MAP3K12: variants seen among roughly 807,000 people sequenced by gnomAD.
MAP3K12 encodes MAPK-upstream kinase.
Under a neutral mutation model 87.5 loss-of-function variants are expected in MAP3K12, and 14 were observed. The observed-to-expected ratio is 0.16, with a 90% confidence interval of 0.11 to 0.25. MAP3K12 has a LOEUF of 0.25. Ranked by LOEUF, MAP3K12 falls within the 10% of genes least tolerant of loss-of-function variation. The pLI is 1.00. For synonymous variants in MAP3K12, 469 were observed against 452.5 expected (o/e 1.04, Z -0.46); for missense variants, 802 against 1,140.4 (o/e 0.70, Z 4.27).
At chr12:53,487,495 T>A (rs749437573) in intron 1 of MAP3K12, 67 bp from the exon 2 acceptor site, 24 of 1,474,052 alleles carry the variant, frequency 1.6e-5, no homozygotes, top group Non-Finnish European at 2.1e-5. Flanking sequence ...AGGACACTTA[T>A]CCCAGAGGCA....
intron 1 of MAP3K12, among the ~76,000 whole-genome samples, 189 bp downstream of exon 1, chr12:53,499,238 C>G (rs1268987743): frequency 1.3e-5 from 2 of 152,044 alleles, no homozygotes; most frequent in Non-Finnish European, 1.5e-5. Context: ...CCGCTCCATT[C>G]CCTTCCTTCC....
intron 1 of MAP3K12, 121 bp from the exon 2 acceptor site, chr12:53,487,549 A>G: frequency 1.0e-6 from 1 of 973,268 alleles, no homozygotes; most frequent in Non-Finnish European, 1.5e-6. Flanking sequence ...TGGAGGTAAC[A>G]CTTGTGGCTC....
At chr12:53,496,517 C>A (rs1331932132) in intron 1 of MAP3K12, among the ~76,000 whole-genome samples, 1 of 152,190 alleles carries the variant, frequency 6.6e-6, no homozygotes, top group Non-Finnish European at 1.5e-5. Flanking sequence ...GGATGGGCCT[C>A]AGGAGTCCCT....
chr12:53,487,534 C>T, intron 1 of MAP3K12, 106 bp from the exon 2 acceptor site: 2 of 1,149,778 alleles, frequency 1.7e-6, no homozygotes, highest in African/African-American at 1.6e-5. Flanking sequence ...TCACAGTAGC[C>T]CCGCTGGAGG....
Position 53,486,010 on chromosome 12 carries a change from T to A in MAP3K12, c.821+46A>T, listed in dbSNP as rs199641354. ...CGGGAGAAGGCCACACTGACTTGAG[T>A]GGGTCACCTGCATGCACATCTGTTG... is the stretch of plus-strand genomic sequence containing the variant. On this transcript the variant is annotated intron_variant, in intron 4 of 13. Transcript: ENST00000547488. This position sits in a 1 kb window ranked among gnomAD's most constrained non-coding sequence, Gnocchi z 4.9. 7 of 1,546,316 alleles carry A rather than the reference T, an allele frequency of 4.5e-6. No individual in the cohort carries two copies. Among genetic ancestry groups the A allele is most frequent in the Middle Eastern group, 1.7e-4 (1 of 5,786 alleles).
chr12:53,486,944 T>C lies in MAP3K12; in HGVS notation c.445+3A>G, dbSNP rs1242759986. On this transcript the variant is annotated splice_donor_region_variant and intron_variant, in intron 2 of 13. Coordinates refer to ENST00000547488, the MANE Select transcript of MAP3K12 (RefSeq NM_001193511.2). The surrounding 1 kb of genome is among the most constrained non-coding windows in gnomAD (Gnocchi z 4.9). ...AGGAGGCTCCCACAAGGACGTGGCC[T>C]ACCTTCCTGCTGCTGCTTGTGCTCA... The C allele has an allele frequency of 1.2e-6, 2 of 1,611,584 alleles. No homozygotes were observed. The highest frequency in any genetic ancestry group is 1.7e-5 in the Admixed American group (1 of 59,976).
At chr12:53,488,309 T>C (rs1239940684) in intron 1 of MAP3K12, among the ~76,000 whole-genome samples, 1 of 152,092 alleles carries the variant, frequency 6.6e-6, no homozygotes, top group Non-Finnish European at 1.5e-5. Context: ...CATCCTCTGC[T>C]CCCCAAACTT....
intron 13 of MAP3K12, 36 bp downstream of exon 13, chr12:53,481,905 T>C: frequency 6.3e-7 from 1 of 1,597,674 alleles, no homozygotes; most frequent in Non-Finnish European, 8.5e-7. Context: ...CAGCTCTCCC[T>C]GTTCAATATC....
chr12:53,484,564 C>T (rs950984460), intron 6 of MAP3K12, 199 bp from the exon 7 acceptor site: 7 of 547,378 alleles, frequency 1.3e-5, no homozygotes, highest in Admixed American at 1.1e-4. Flanking sequence ...GTAAGGAAAC[C>T]TATTGAACCC....
In MAP3K12 at chr12:53,482,974, G is replaced by T; in HGVS notation, c.1829C>A (p.Pro610Gln). Residue 610 changes from proline to glutamine, a missense_variant, in exon 11 of 14, where the codon CCA becomes CAA. Physicochemically the swap from Pro to Gln is moderately conservative, Grantham distance 76. Transcript: ENST00000547488. ...PPHEPGGPGS[P>Q]GGLGGGPSAW... Reference sequence around the variant, plus strand: ...TGAGGGTCCCCCTCCTAGGCCCCCTGGGCTTCCTGGTCCTCCAGGTTCATG... The same window carrying T: ...TGAGGGTCCCCCTCCTAGGCCCCCTTGGCTTCCTGGTCCTCCAGGTTCATG... The T allele has an allele frequency of 6.3e-7, 1 of 1,583,088 alleles. No individual in the cohort carries two copies. The highest frequency in any genetic ancestry group is 8.6e-7 in the Non-Finnish European group (1 of 1,165,960).
At chr12:53,494,181 G>A (rs1448420471) in intron 1 of MAP3K12, among the ~76,000 whole-genome samples, 1 of 152,208 alleles carries the variant, frequency 6.6e-6, no homozygotes, top group African/African-American at 2.4e-5. Context: ...TGGCCCAGAC[G>A]TTCAGTCACC....
intron 13 of MAP3K12, chr12:53,481,695 T>C: frequency 2.1e-6 from 1 of 483,138 alleles, no homozygotes. Flanking sequence ...CAGGCCATTC[T>C]CCAAGGTGTC....
intron 1 of MAP3K12, among the ~76,000 whole-genome samples, chr12:53,489,920 G>A (rs1000055065): frequency 1.3e-5 from 2 of 152,160 alleles, no homozygotes; most frequent in Non-Finnish European, 2.9e-5. Flanking sequence ...ACCCTCATTA[G>A]CTGTCCTCAC....
At chr12:53,481,755 G>C in intron 13 of MAP3K12, 186 bp downstream of exon 13, 1 of 659,082 alleles carries the variant, frequency 1.5e-6, no homozygotes, top group Non-Finnish European at 2.5e-6. Flanking sequence ...CTACATGCAA[G>C]CTACTGGTCA....
chr12:53,484,880 A>C, intron 6 of MAP3K12, 176 bp downstream of exon 6: 1 of 713,476 alleles, frequency 1.4e-6, no homozygotes, highest in Non-Finnish European at 2.3e-6. Flanking sequence ...ACAGGTTCAG[A>C]GTAGATACCA....
At chr12:53,481,766 G>A (rs1943056964) in intron 13 of MAP3K12, 175 bp downstream of exon 13, 1 of 709,402 alleles carries the variant, frequency 1.4e-6, no homozygotes, top group African/African-American at 1.8e-5. Flanking sequence ...CTACTGGTCA[G>A]GCATCGTAAT....
Position 53,480,942 on chromosome 12 carries a change from G to A in MAP3K12, c.*240C>T, listed in dbSNP as rs1162840115. The A allele has an allele frequency of 6.0e-6, 1 of 167,884 alleles. No homozygotes were observed. The highest frequency in any genetic ancestry group is 1.3e-5 in the Non-Finnish European group (1 of 79,778). The allele number at this position is 167,884 out of a possible 1,614,324, so 10.4% of individuals were successfully genotyped here. ...TTGCTGAATATAAGGAATGGGGTGG[G>A]GCAGGAAGGGGCTTGCCCTTAGCCA... is the stretch of plus-strand genomic sequence containing the variant. On this transcript the variant is annotated 3_prime_UTR_variant, in exon 14 of 14. Transcript: ENST00000547488.
chr12:53,484,683 C>T (rs2137187761), intron 6 of MAP3K12: 2 of 439,998 alleles, frequency 4.5e-6, no homozygotes, highest in East Asian at 4.5e-5. Context: ...GTCAAACTTC[C>T]CTGGGTCTAG....
In MAP3K12 at chr12:53,482,842, C is replaced by T. The variant is rs745378993; in HGVS notation, c.1961G>A (p.Arg654Gln). The T allele has an allele frequency of 1.5e-5, 24 of 1,611,242 alleles. No homozygotes were observed. The highest frequency in any genetic ancestry group is 8.9e-5 in the East Asian group (4 of 44,860). The change falls in exon 11 of 14, where the codon CGG becomes CAG. Residue 654 changes from arginine (R) to glutamine (Q), a missense_variant. Physicochemically the swap from Arg to Gln is conservative, Grantham distance 43 (BLOSUM62 1). Around this residue, in one of 5 missense-constraint regions of MAP3K12, gnomAD observed 490 missense variants for 496.6 expected, o/e 0.99. Coordinates refer to ENST00000547488, the MANE Select transcript of MAP3K12 (RefSeq NM_001193511.2). ...AGCTCCGCCTGTGGCCCCCCGGCCCCGGGACCCTAGTGCTGCTGACAGCAG... is the reference window on the plus strand; with the variant it reads ...AGCTCCGCCTGTGGCCCCCCGGCCCTGGGACCCTAGTGCTGCTGACAGCAG... ...PDLLSAALGS[R>Q]GRGATGGAGD... is the part of the protein sequence containing the mutation.
Sources: allele counts gnomAD v4.1 joint callset (sites outside exome capture counted in the v4.1 genomes callset), GRCh38; gene constraint gnomAD v4.1.1; regional missense constraint gnomAD v4.1.1; non-coding constraint Gnocchi (gnomAD v3.1); transcripts MANE v1.5; gene names NCBI Gene and HGNC (gene_info 2026-07-23, HGNC 2026-07-21).